The following SREK1 variants were observed in gnomAD, a reference collection of about 807,000 sequenced individuals.
The protein encoded by SREK1 is splicing regulatory glutamine/lysine-rich protein 1.
In SREK1, 13 loss-of-function variants were observed where a neutral mutation model predicts 66.5. The ratio of observed to expected loss-of-function variants is 0.20; its 90% CI spans 0.13 to 0.31. The LOEUF is 0.31. Among genes scored for constraint, SREK1 ranks in the 10% least tolerant of loss-of-function variants. The pLI, the probability that SREK1 is intolerant of heterozygous loss-of-function variation, is 1.00. For missense variants in SREK1, 607 were observed against 769.6 expected (o/e 0.79, Z 2.50); for synonymous variants, 265 against 263.5 (o/e 1.01, Z -0.05).
Position 66,144,469 on chromosome 5 carries a change from C to T in SREK1, c.93C>T (p.Thr31=), listed in dbSNP as rs1413089162. 2 of 1,552,874 alleles carry T rather than the reference C, an allele frequency of 1.3e-6. No individual in the cohort carries two copies. Among genetic ancestry groups the T allele is most frequent in the East Asian group, 2.4e-5 (1 of 41,022 alleles). ...IQVTNLSSAV[T]SEQMRTLFSF... ...TGACGAATCTGTCGTCGGCGGTGAC[C>T]AGCGAGCAGATGCGGACGCTTTTTT... Residue 31 remains threonine (T), a synonymous_variant, in exon 1 of 12, where the codon ACC becomes ACT. Transcript: ENST00000334121.
intron 7 of SREK1, chr5:66,167,099 AC>A (rs758890939): frequency 3.9e-5 from 6 of 152,018 alleles, no homozygotes; most frequent in Non-Finnish European, 8.8e-5. Flanking sequence ...TTAAAGGCCC[AC>A]CTTCTACTTT....
In SREK1 at chr5:66,181,623, A is replaced by G. The variant is rs1746493740; in HGVS notation, c.*2755A>G. On this transcript the variant is annotated 3_prime_UTR_variant, in exon 12 of 12. Coordinates refer to ENST00000334121, the MANE Select transcript of SREK1 (RefSeq NM_001077199.3). ...GCCTTTCAGCAACGTATGCTGAACT[A>G]GTATCATAAGATGGTGCATCAGTTC... The G allele has an allele frequency of 6.6e-6, 1 of 152,208 alleles. No homozygotes were observed. The highest frequency in any genetic ancestry group is 2.4e-5 in the African/African-American group (1 of 41,456). The allele number at this position is 152,208 out of a possible 1,614,324, so 9.4% of individuals were successfully genotyped here.
Position 66,178,713 on chromosome 5 carries a change from T to C in SREK1, c.1726-6T>C. The C allele has an allele frequency of 6.3e-7, 1 of 1,593,480 alleles. No homozygotes were observed. Among genetic ancestry groups the C allele is most frequent in the Non-Finnish European group, 8.6e-7 (1 of 1,168,160 alleles). On this transcript the variant is annotated splice_polypyrimidine_tract_variant and splice_region_variant and intron_variant, in intron 11 of 11. Transcript: ENST00000334121. ...ATTAAATGCATACCTTAATTACTCA[T>C]TGTAGGAGAAAGAGCACAATAAAGA...
At chr5:66,148,493 A>AT (rs202159114) in intron 1 of SREK1, among the ~76,000 whole-genome samples, 2 of 151,982 alleles carry the variant, frequency 1.3e-5, no homozygotes, top group African/African-American at 2.4e-5. Context: ...AAAAGTTTTA[A>AT]TTTTTTTTGA....
chr5:66,144,580 A>T (rs886636845), intron 1 of SREK1, 43 bp downstream of exon 1: 3 of 1,526,770 alleles, frequency 2.0e-6, no homozygotes, highest in South Asian at 2.4e-5. Context: ...CGGGCGCCAT[A>T]GAGACCTCGG....
At chr5:66,168,092 A>G (rs1745316809) in intron 7 of SREK1, 1 of 151,354 alleles carries the variant, frequency 6.6e-6, no homozygotes, top group East Asian at 2.0e-4. Context: ...AAATAAAATA[A>G]AAAATAATGT....
chr5:66,176,297 G>A (rs1746049244), intron 10 of SREK1, among the ~76,000 whole-genome samples: 1 of 152,116 alleles, frequency 6.6e-6, no homozygotes, highest in Admixed American at 6.6e-5. Context: ...GGCCGTTCAT[G>A]TGCCAGTGTC....
rs1314176652 is a variant in SREK1 at position 66,177,676 on chromosome 5, G to A, written c.1725+18G>A. ...CACTTAAAGTAAGCAGCAGTCATTC[G>A]GTGTCTGGCACTTGAAATGGTTCTT... On this transcript the variant is annotated intron_variant, in intron 11 of 11. Coordinates refer to ENST00000334121, the MANE Select transcript of SREK1 (RefSeq NM_001077199.3). The A allele has an allele frequency of 1.1e-5, 18 of 1,573,892 alleles. No individual in the cohort carries two copies. Among genetic ancestry groups the A allele is most frequent in the Non-Finnish European group, 1.5e-5 (17 of 1,165,042 alleles).
intron 9 of SREK1, among the ~76,000 whole-genome samples, chr5:66,171,206 G>A (rs1256384576): frequency 1.3e-5 from 2 of 152,120 alleles, no homozygotes; most frequent in African/African-American, 4.8e-5. Context: ...TATTTTCTTA[G>A]AGGGTGGGAT....
Position 66,181,246 on chromosome 5 carries a change from C to CT in SREK1, c.*2380dup, listed in dbSNP as rs1746458482. On this transcript the variant is annotated 3_prime_UTR_variant, in exon 12 of 12. Transcript: ENST00000334121. ...GGGTTTGACTTTTTTTTTACATGGG[C>CT]TTATGGAAGCAAGGCATTCTAGGGT... 2.0e-5 allele frequency: 3 copies of CT among 152,170 alleles called. No individual in the cohort carries two copies. Among genetic ancestry groups the CT allele is most frequent in the African/African-American group, 7.2e-5 (3 of 41,530 alleles). 9.4% of individuals were successfully genotyped at this position (152,170 alleles called of 1,614,324 possible). A position where few individuals can be genotyped will look rare whatever the true frequency, so the allele number is the denominator to read the frequency against.
chr5:66,160,437 TGGG>T (rs1367110653), intron 3 of SREK1, among the ~76,000 whole-genome samples: 1 of 152,170 alleles, frequency 6.6e-6, no homozygotes, highest in Admixed American at 6.5e-5. Context: ...TTCTGATTCT[TGGG>T]GGGAAATGTT....
rs1367063137 is a variant in SREK1 at position 66,174,686 on chromosome 5, G to T, written c.1485-260G>T. 4 of 276,218 alleles carry T rather than the reference G, an allele frequency of 1.4e-5. No homozygotes were observed. In the South Asian group the frequency reaches 5.1e-4, roughly 35 times the overall value. 17.1% of individuals were successfully genotyped at this position (276,218 alleles called of 1,614,324 possible). On this transcript the variant is annotated intron_variant, in intron 9 of 11. Transcript: ENST00000334121. ...CTGAAGAAATTGTTCAAATAAACGA[G>T]GTGAAAAGGAGGAGGTCTTCTACTC...
chr5:66,165,758 G>A (rs1489605242), intron 7 of SREK1: 1 of 152,180 alleles, frequency 6.6e-6, no homozygotes, highest in Admixed American at 6.5e-5. Flanking sequence ...TGAGAGAGCA[G>A]GGAGGGAAGA....
chr5:66,144,667 C>T, intron 1 of SREK1, 130 bp downstream of exon 1: 1 of 1,406,700 alleles, frequency 7.1e-7, no homozygotes, highest in Non-Finnish European at 9.3e-7. Context: ...ACCTTGGTGC[C>T]CATATTTGAT....
chr5:66,147,000 C>G (rs574205231), intron 1 of SREK1, among the ~76,000 whole-genome samples: 1 of 152,098 alleles, frequency 6.6e-6, no homozygotes, highest in Admixed American at 6.6e-5. Context: ...GGGAGAACAG[C>G]TTGAGCCCAG....
At position 66,183,264 on chromosome 5, in the gene SREK1, C is replaced by G. The variant is rs942217691; in HGVS notation, c.*4396C>G. ...TAAGTATAAATTCATAAAAATCACA[C>G]TGAAAGAATAGGTTGATTTCAACCA... On this transcript the variant is annotated 3_prime_UTR_variant, in exon 12 of 12. Transcript: ENST00000334121. The G allele has an allele frequency of 2.6e-5, 4 of 152,050 alleles. No individual in the cohort carries two copies. Among genetic ancestry groups the G allele is most frequent in the African/African-American group, 9.7e-5 (4 of 41,378 alleles). The allele number at this position is 152,050 out of a possible 1,614,324, so 9.4% of individuals were successfully genotyped here.
intron 1 of SREK1, among the ~76,000 whole-genome samples, chr5:66,147,896 A>G (rs554263873): frequency 2.6e-5 from 4 of 151,870 alleles, no homozygotes; most frequent in South Asian, 4.1e-4. Context: ...TCACACTGTT[A>G]TTTTACTTTT....
In SREK1 at chr5:66,153,561, T is replaced by C; in HGVS notation, c.260T>C (p.Ile87Thr). 1 of 1,614,116 alleles carries C rather than the reference T, an allele frequency of 6.2e-7. No individual in the cohort carries two copies. The highest frequency in any genetic ancestry group is 8.5e-7 in the Non-Finnish European group (1 of 1,179,968). Residue 87 changes from isoleucine to threonine, a missense_variant, in exon 2 of 12, where the codon ATT (isoleucine) becomes ACT (threonine). Physicochemically the swap from Ile to Thr is moderately conservative, Grantham distance 89 (BLOSUM62 -1). This residue lies in a region of SREK1 where 99 missense variants were observed against 186.6 expected (regional missense o/e 0.53). Transcript: ENST00000334121. ...VAQHLTNTVF[I>T]DRALIVVPCA... Reference sequence around the variant, plus strand: ...CAGCATCTAACTAACACGGTTTTTATTGACAGAGCTCTGATAGTTGTTCCT... The same window carrying C: ...CAGCATCTAACTAACACGGTTTTTACTGACAGAGCTCTGATAGTTGTTCCT...
intron 10 of SREK1, among the ~76,000 whole-genome samples, chr5:66,176,290 C>T (rs1488256241): frequency 6.6e-6 from 1 of 152,030 alleles, no homozygotes; most frequent in Non-Finnish European, 1.5e-5. Flanking sequence ...TTTGACTGGC[C>T]GTTCATGTGC....
Sources: allele counts gnomAD v4.1 joint callset (sites outside exome capture counted in the v4.1 genomes callset), GRCh38; gene constraint gnomAD v4.1.1; regional missense constraint gnomAD v4.1.1; transcripts MANE v1.5; gene names NCBI Gene and HGNC (gene_info 2026-07-23, HGNC 2026-07-21).